FOXM1: variants seen among roughly 807,000 people sequenced by gnomAD.
FOXM1 encodes the protein forkhead box protein M1.
FOXM1 carries 25 observed loss-of-function variants against 63.6 expected under a neutral mutation model. That is an observed-to-expected ratio of 0.39 (90% CI 0.29 to 0.55). The LOEUF is 0.55. Among genes scored for constraint, FOXM1 ranks in the 20% least tolerant of loss-of-function variants. The probability of loss-of-function intolerance (pLI) is 0.60; values close to 1 mark genes in which losing one functional copy is unlikely to be tolerated. For synonymous variants in FOXM1, 387 were observed against 376.9 expected (o/e 1.03, Z -0.31); for missense variants, 879 against 958.7 (o/e 0.92, Z 1.10).
At chr12:2,862,214 G>T (rs189605978) in intron 8 of FOXM1, among the ~76,000 whole-genome samples, 10 of 149,886 alleles carry the variant, frequency 6.7e-5, no homozygotes, top group Non-Finnish European at 1.2e-4. Context: ...ATGTAGAGAA[G>T]TATGCACAAC....
In FOXM1 at chr12:2,858,551, C is replaced by G. The variant is rs1005650594; in HGVS notation, c.*87G>C. 2.5e-6 allele frequency: 3 copies of G among 1,176,982 alleles called. No individual in the cohort carries two copies. The East Asian group carries it at 7.3e-5, about 28-fold the overall frequency. 72.9% of individuals were successfully genotyped at this position (1,176,982 alleles called of 1,614,324 possible). ...TGAGGAGCAGAACAGTCCCTGCCTG[C>G]TGTCCTCACTCAGAGGCTTGGGGTG... On this transcript the variant is annotated 3_prime_UTR_variant, in exon 9 of 9. Coordinates refer to ENST00000359843, the MANE Select transcript of FOXM1 (RefSeq NM_021953.4).
In FOXM1 at chr12:2,874,988, ATTTT is replaced by A. The variant is rs556937133; in HGVS notation, c.-47-467_-47-464del. On this transcript the variant is annotated intron_variant, in intron 1 of 8. Coordinates refer to ENST00000359843, the MANE Select transcript of FOXM1 (RefSeq NM_021953.4). This position sits in a 1 kb window ranked among gnomAD's most constrained non-coding sequence, Gnocchi z 4.3. ...AATCCATTCAAGACAAAGGATTTTAATTTTTTTTTTTTTTTTTTTTTTGAGACAG... is the reference window on the plus strand; with the variant it reads ...AATCCATTCAAGACAAAGGATTTTAATTTTTTTTTTTTTTTTTTGAGACAG... Among the ~76,000 whole-genome samples, 3 of 127,152 alleles carry A rather than the reference ATTTT, an allele frequency of 2.4e-5. No homozygotes were observed. The highest frequency in any genetic ancestry group is 8.3e-5 in the Admixed American group (1 of 12,004). 83.4% of individuals were successfully genotyped at this position (127,152 alleles called of 152,430 possible). A position where few individuals can be genotyped will look rare whatever the true frequency, so the allele number is the denominator to read the frequency against.
chr12:2,867,839 G>A (rs1233626869), intron 4 of FOXM1, among the ~76,000 whole-genome samples: 5 of 151,264 alleles, frequency 3.3e-5, no homozygotes, highest in Admixed American at 6.6e-5. Context: ...TTAGCCAGGC[G>A]TGGTGGCGCA....
Position 2,859,558 on chromosome 12 carries a change from T to C in FOXM1, c.1372A>G (p.Thr458Ala). ...GGCTGGATTTCTTCCTCCTTGATAG[T>C]CTGAACTGGAAGCAAAGGAGAAAAC... is the stretch of plus-strand genomic sequence containing the variant. ...EGFSPLLPVQ[T>A]IKEEEIQPGE... The change falls in exon 9 of 9, where the codon ACT (threonine) becomes GCT (alanine). Residue 458 changes from threonine to alanine, a missense_variant. Coordinates refer to ENST00000359843, the MANE Select transcript of FOXM1 (RefSeq NM_021953.4). 6.2e-7 allele frequency: 1 copy of C among 1,614,058 alleles called. No homozygotes were observed. Among genetic ancestry groups the C allele is most frequent in the Non-Finnish European group, 8.5e-7 (1 of 1,179,978 alleles).
intron 8 of FOXM1, chr12:2,863,708 TTTC>T (rs2098118130): frequency 6.6e-6 from 1 of 151,210 alleles, no homozygotes; most frequent in South Asian, 2.1e-4. Context: ...AATCCACTTC[TTTC>T]TTTTCTTTTT....
chr12:2,872,451 A>C lies in FOXM1; in HGVS notation c.503-204T>G, dbSNP rs1262279544. Among the ~76,000 whole-genome samples, 1 of 152,152 alleles carries C rather than the reference A, an allele frequency of 6.6e-6. No individual in the cohort carries two copies. The highest frequency in any genetic ancestry group is 1.9e-4 in the East Asian group (1 of 5,192). On this transcript the variant is annotated intron_variant, in intron 2 of 8. Transcript: ENST00000359843. The surrounding 1 kb of genome is among the most constrained non-coding windows in gnomAD (Gnocchi z 4.0). ...ATGGTGAAACCTCGTCTCTACTAAA[A>C]ATACAAAATTAGCTGGGTGTGGTGG...
intron 8 of FOXM1, among the ~76,000 whole-genome samples, chr12:2,861,094 G>A (rs1255539091): frequency 1.3e-5 from 2 of 151,538 alleles, no homozygotes; most frequent in Non-Finnish European, 2.9e-5. Flanking sequence ...CTTGAACCCA[G>A]GAGGCAGAGT....
At position 2,864,523 on chromosome 12, in the gene FOXM1, C is replaced by G. The variant is rs1000517837; in HGVS notation, c.1091-28G>C. ...AGGAGGAAACACGAGAGATCAGGAG[C>G]AGGGGGACTGGAGTACACCCCTTCT... On this transcript the variant is annotated intron_variant, in intron 7 of 8. Transcript: ENST00000359843. The surrounding 1 kb of genome is among the most constrained non-coding windows in gnomAD (Gnocchi z 5.1). 1.5e-5 allele frequency: 24 copies of G among 1,603,358 alleles called. No individual in the cohort carries two copies. The African/African-American group carries it at 1.9e-4, about 13-fold the overall frequency.
chr12:2,874,451 T>C lies in FOXM1; in HGVS notation c.28A>G (p.Ile10Val), dbSNP rs1312257131. 2 of 1,611,762 alleles carry C rather than the reference T, an allele frequency of 1.2e-6. No individual in the cohort carries two copies. The highest frequency in any genetic ancestry group is 1.7e-6 in the Non-Finnish European group (2 of 1,178,840). MKTSPRRPL[I>V]LKRRRLPLPV... ...AGGGGCAGCCTCCGTCTTTTGAGAA[T>C]CAGTGGCCGACGGGGGCTAGTTTTC... The change falls in exon 2 of 9, where the codon ATT becomes GTT. Residue 10 changes from isoleucine (I) to valine (V), a missense_variant. Around this residue, in one of 4 missense-constraint regions of FOXM1, gnomAD observed 255 missense variants for 292.4 expected, o/e 0.87. Coordinates refer to ENST00000359843, the MANE Select transcript of FOXM1 (RefSeq NM_021953.4). This position sits in a 1 kb window ranked among gnomAD's most constrained non-coding sequence, Gnocchi z 4.3.
At chr12:2,861,099 C>T (rs922470184) in intron 8 of FOXM1, among the ~76,000 whole-genome samples, 5 of 149,896 alleles carry the variant, frequency 3.3e-5, no homozygotes, top group African/African-American at 9.9e-5. Flanking sequence ...ACCCAGGAGG[C>T]AGAGTCTGCA....
rs756035595 is a variant in FOXM1 at position 2,874,033 on chromosome 12, T to A, written c.446A>T (p.Asp149Val). 5.0e-6 allele frequency: 8 copies of A among 1,613,994 alleles called. No individual in the cohort carries two copies. In the Admixed American group the frequency reaches 1.3e-4, roughly 27 times the overall value. Residue 149 changes from aspartate to valine, a missense_variant, in exon 2 of 9, where the codon GAT becomes GTT. Asp to Val is a radical substitution (Grantham distance 152, BLOSUM62 -3). Coordinates refer to ENST00000359843, the MANE Select transcript of FOXM1 (RefSeq NM_021953.4). This position sits in a 1 kb window ranked among gnomAD's most constrained non-coding sequence, Gnocchi z 4.3. ...TCCAGGTGGTCTAGGAAGATTCACA[T>A]CCCTAGCTGCAGGTTTTGGTCCCAA... ...ETLGPKPAAR[D>V]VNLPRPPGAL...
At chr12:2,862,664 G>C (rs1272936145) in intron 8 of FOXM1, among the ~76,000 whole-genome samples, 1 of 151,890 alleles carries the variant, frequency 6.6e-6, no homozygotes, top group African/African-American at 2.4e-5. Flanking sequence ...CCAAGTGGCT[G>C]GGACAACAGG....
intron 3 of FOXM1, among the ~76,000 whole-genome samples, chr12:2,869,173 A>G (rs1306549306): frequency 6.6e-6 from 1 of 152,174 alleles, no homozygotes; most frequent in Admixed American, 6.6e-5. Flanking sequence ...TCTCATTTCA[A>G]TGTTTGTATG....
chr12:2,873,612 C>G (rs1431346143), intron 2 of FOXM1, among the ~76,000 whole-genome samples: 1 of 151,200 alleles, frequency 6.6e-6, no homozygotes, highest in East Asian at 2.0e-4. Flanking sequence ...CAGAGTCTCC[C>G]TCTGTGGCCA....
At chr12:2,863,458 G>A (rs1337218310) in intron 8 of FOXM1, among the ~76,000 whole-genome samples, 1 of 150,328 alleles carries the variant, frequency 6.7e-6, no homozygotes, top group African/African-American at 2.5e-5. Context: ...GTGCAAACAG[G>A]GCTCACTGCA....
chr12:2,864,805 AAG>A lies in FOXM1; in HGVS notation c.1021-55_1021-54del, dbSNP rs2098120210. On this transcript the variant is annotated intron_variant, in intron 6 of 8. Coordinates refer to ENST00000359843, the MANE Select transcript of FOXM1 (RefSeq NM_021953.4). This position sits in a 1 kb window ranked among gnomAD's most constrained non-coding sequence, Gnocchi z 5.1. ...AAACCTATGTTAACACAATAAGGTA[AAG>A]AGGGGATGGCAAAACCCCACCAGCT... 1 of 1,595,316 alleles carries A rather than the reference AAG, an allele frequency of 6.3e-7. No homozygotes were observed. The highest frequency in any genetic ancestry group is 1.3e-5 in the African/African-American group (1 of 74,554).
At position 2,870,226 on chromosome 12, in the gene FOXM1, T is replaced by C. The variant is rs573352456; in HGVS notation, c.655-1472A>G. ...CCCGACGTCAGGTGATCCACTCACC[T>C]TGGCCTCCCAAAGTGCTGTGATTAC... On this transcript the variant is annotated intron_variant, in intron 3 of 8. Coordinates refer to ENST00000359843, the MANE Select transcript of FOXM1 (RefSeq NM_021953.4). Among the ~76,000 whole-genome samples, 3 of 152,310 alleles carry C rather than the reference T, an allele frequency of 2.0e-5. No homozygotes were observed. In the East Asian group the frequency reaches 5.8e-4, roughly 29 times the overall value.
chr12:2,873,185 G>A (rs2098136087), intron 2 of FOXM1, among the ~76,000 whole-genome samples: 1 of 151,618 alleles, frequency 6.6e-6, no homozygotes, highest in Non-Finnish European at 1.5e-5. Context: ...ATCACCTGAG[G>A]TCAGGAGTTC....
In FOXM1 at chr12:2,858,118, T is replaced by C. The variant is rs2153930609; in HGVS notation, c.*520A>G. On this transcript the variant is annotated 3_prime_UTR_variant, in exon 9 of 9. Coordinates refer to ENST00000359843, the MANE Select transcript of FOXM1 (RefSeq NM_021953.4). ...TGCAGTGAAGAACCCAAGATCCAGG[T>C]ACCTCAGCCTGGAAGAAACCGTGCA... is the stretch of plus-strand genomic sequence containing the variant. 6.5e-6 allele frequency: 1 copy of C among 153,074 alleles called. No homozygotes were observed. Among genetic ancestry groups the C allele is most frequent in the East Asian group, 1.9e-4 (1 of 5,198 alleles). The allele number at this position is 153,074 out of a possible 1,614,324, so 9.5% of individuals were successfully genotyped here. A position where few individuals can be genotyped will look rare whatever the true frequency, so the allele number is the denominator to read the frequency against.
Sources: gnomAD v4.1 joint callset for allele counts (sites outside exome capture counted in the v4.1 genomes callset) on GRCh38, gnomAD v4.1.1 for gene constraint, gnomAD v4.1.1 regional missense constraint, Gnocchi (gnomAD v3.1) non-coding constraint, MANE v1.5 for transcripts, NCBI Gene and HGNC (gene_info 2026-07-23, HGNC 2026-07-21) for gene names.